The following ZNF676 variants were observed in gnomAD, a reference collection of about 807,000 sequenced individuals.
ZNF676 encodes the protein zinc finger protein 676.
A neutral mutation model predicts 6.0 loss-of-function variants in ZNF676; 4 were observed. The ratio of observed to expected loss-of-function variants is 0.67; its 90% CI spans 0.33 to 1.53. The LOEUF is 1.53. Ranked by LOEUF, ZNF676 falls within the 40% of genes most tolerant of loss-of-function variation. The pLI, the probability that ZNF676 is intolerant of heterozygous loss-of-function variation, is 0.06. For synonymous variants in ZNF676, 198 were observed against 223.1 expected, an observed-to-expected ratio of 0.89 and a Z score of 1.00; for missense variants, 644 against 679.7, an observed-to-expected ratio of 0.95 and a Z score of 0.58.
At chr19:22,200,491 G>A (rs2024013858), upstream of ZNF676, among the ~76,000 whole-genome samples, 1 of 147,964 alleles carries the variant, frequency 6.8e-6, no homozygotes, top group Non-Finnish European at 1.5e-5. Context: ...TTCCAGGATG[G>A]TAGGAATCAT....
rs1002837635 is a variant in ZNF676 at position 22,180,595 on chromosome 19, A to G, written c.1122T>C (p.Phe374=). 39 of 1,608,594 alleles carry G rather than the reference A, an allele frequency of 2.4e-5. No homozygotes were observed. The highest frequency in any genetic ancestry group is 2.9e-5 in the Non-Finnish European group (34 of 1,178,582). ...GTGTATTAAGGGTTGAGACCTTACT[A>G]AAGGCTTTGCCACATCCTTCACATT... ...PYKCEGCGKA[F]SKVSTLNTHK... The change falls in exon 3 of 3, where the codon TTT becomes TTC. Residue 374 remains phenylalanine, a synonymous_variant. Coordinates refer to ENST00000397121, the MANE Select transcript of ZNF676 (RefSeq NM_001001411.3).
intron 1 of ZNF676, among the ~76,000 whole-genome samples, chr19:22,208,704 G>A (rs1476861231): frequency 6.6e-6 from 1 of 152,140 alleles, no homozygotes; most frequent in Admixed American, 6.6e-5. Context: ...CAGCACTTTG[G>A]GGGCTGAGCC....
the ZNF676 span, among the ~76,000 whole-genome samples, chr19:22,249,305 A>T: frequency 1.3e-5 from 2 of 152,204 alleles, no homozygotes; most frequent in South Asian, 4.1e-4. Context: ...ATTGAGCTGA[A>T]GGTTTGAGCA....
chr19:22,237,561 C>A, the ZNF676 span, among the ~76,000 whole-genome samples: 1 of 152,120 alleles, frequency 6.6e-6, no homozygotes, highest in Admixed American at 6.5e-5. Context: ...TAGAAGCAAA[C>A]AGGGGTGTTG....
upstream of ZNF676, among the ~76,000 whole-genome samples, chr19:22,200,680 G>A (rs1449443578): frequency 1.3e-5 from 2 of 151,784 alleles, no homozygotes; most frequent in Non-Finnish European, 2.9e-5. Flanking sequence ...CACCACACCT[G>A]GCTAAAATAT....
chr19:22,184,477 T>C (rs981526910), intron 2 of ZNF676, among the ~76,000 whole-genome samples: 1 of 151,996 alleles, frequency 6.6e-6, no homozygotes, highest in Non-Finnish European at 1.5e-5. Context: ...TTCTTTTTTT[T>C]CCCCATACCC....
At chr19:22,240,419 C>G in the ZNF676 span, among the ~76,000 whole-genome samples, 3 of 151,868 alleles carry the variant, frequency 2.0e-5, no homozygotes, top group African/African-American at 7.3e-5. Flanking sequence ...CACAATGCTC[C>G]CTGTGAGCAG....
chr19:22,196,931 T>C lies in ZNF676; in HGVS notation c.-298A>G, dbSNP rs1289494121. On this transcript the variant is annotated 5_prime_UTR_variant, in exon 1 of 3. An upstream start codon of the reference 5' UTR is lost. Transcript: ENST00000397121. ...AGAAAAGAAAGTGGTATAAGATCCATAACATCTGTGTATATGTAATATTTT... is the reference window on the plus strand; with the variant it reads ...AGAAAAGAAAGTGGTATAAGATCCACAACATCTGTGTATATGTAATATTTT... 3 of 555,508 alleles carry C rather than the reference T, an allele frequency of 5.4e-6. No homozygotes were observed. Among genetic ancestry groups the C allele is most frequent in the Non-Finnish European group, 9.4e-6 (3 of 318,162 alleles). 34.4% of individuals were successfully genotyped at this position (555,508 alleles called of 1,614,324 possible).
At chr19:22,232,187 T>A in the ZNF676 span, among the ~76,000 whole-genome samples, 54 of 151,438 alleles carry the variant, frequency 3.6e-4, no homozygotes, top group East Asian at 8.0e-3. Context: ...CTTTTTTTTT[T>A]AGACGGAGTC....
At chr19:22,192,069 A>G (rs1241717329) in intron 2 of ZNF676, among the ~76,000 whole-genome samples, 4 of 152,214 alleles carry the variant, frequency 2.6e-5, no homozygotes, top group Non-Finnish European at 4.4e-5. Flanking sequence ...AATGTTCTCT[A>G]TAAAAAACCA....
chr19:22,183,265 T>C (rs970434975), intron 2 of ZNF676, among the ~76,000 whole-genome samples: 1 of 152,124 alleles, frequency 6.6e-6, no homozygotes, highest in Non-Finnish European at 1.5e-5. Flanking sequence ...TAAAAGTAAC[T>C]CCTTTACTTT....
At chr19:22,252,661 G>T in the ZNF676 span, among the ~76,000 whole-genome samples, 3 of 152,328 alleles carry the variant, frequency 2.0e-5, no homozygotes, top group African/African-American at 7.2e-5. Flanking sequence ...AGAGGACAGG[G>T]TGGAGGATTA....
chr19:22,232,382 G>A, the ZNF676 span, among the ~76,000 whole-genome samples: 1 of 151,950 alleles, frequency 6.6e-6, no homozygotes, highest in African/African-American at 2.4e-5. Flanking sequence ...TGGCCAGGAT[G>A]GTCTTGATCT....
At chr19:22,242,979 T>G in the ZNF676 span, among the ~76,000 whole-genome samples, 1 of 151,938 alleles carries the variant, frequency 6.6e-6, no homozygotes, top group East Asian at 1.9e-4. Context: ...ATCTGGCATA[T>G]GCATCCTGCG....
chr19:22,215,568 C>T (rs2024175945), intron 1 of ZNF676: 3 of 1,586,708 alleles, frequency 1.9e-6, no homozygotes, highest in Non-Finnish European at 8.6e-7. Flanking sequence ...CCGCCACAGC[C>T]ACTTCCCGCC....
chr19:22,254,932 A>G, the ZNF676 span, among the ~76,000 whole-genome samples: 1 of 152,228 alleles, frequency 6.6e-6, no homozygotes, highest in Non-Finnish European at 1.5e-5. Context: ...CAAATCACTC[A>G]GTTGCTGGGA....
At chr19:22,236,985 G>C in the ZNF676 span, among the ~76,000 whole-genome samples, 2 of 152,176 alleles carry the variant, frequency 1.3e-5, no homozygotes, top group Non-Finnish European at 2.9e-5. Context: ...GAGAGACCAC[G>C]GTTCCCACTG....
chr19:22,247,677 C>G, the ZNF676 span, among the ~76,000 whole-genome samples: 213 of 152,136 alleles, frequency 1.4e-3, 3 homozygotes, highest in Admixed American at 0.013. Context: ...CCCAGCTACT[C>G]AGGAGGCTGA....
intron 1 of ZNF676, among the ~76,000 whole-genome samples, chr19:22,195,752 G>T (rs567378397): frequency 6.6e-6 from 1 of 152,166 alleles, no homozygotes; most frequent in Admixed American, 6.6e-5. Flanking sequence ...TGTAACCAAC[G>T]TAGAATATAA....
Sources: gnomAD v4.1 joint callset for allele counts (sites outside exome capture counted in the v4.1 genomes callset) on GRCh38, gnomAD v4.1.1 for gene constraint, MANE v1.5 for transcripts, NCBI Gene and HGNC (gene_info 2026-07-23, HGNC 2026-07-21) for gene names.